Variants in PTPRG observed in about 807,000 individuals in gnomAD.
PTPRG encodes the protein protein tyrosine phosphatase receptor type G, also known as receptor-type tyrosine-protein phosphatase gamma.
PTPRG carries 102 observed loss-of-function variants against 165.3 expected under a neutral mutation model. That is an observed-to-expected ratio of 0.62 (90% CI 0.53 to 0.73). PTPRG has a LOEUF of 0.73. Among genes scored for constraint, PTPRG ranks in the 30% least tolerant of loss-of-function variants. PTPRG has a pLI of 0.00. For missense variants in PTPRG, 1,866 were observed against 1,861.4 expected (o/e 1.00, Z -0.05); for synonymous variants, 675 against 669.5 (o/e 1.01, Z -0.13).
In PTPRG at chr3:62,219,823, A is replaced by G. The variant is rs1031312502; in HGVS notation, c.2288+840A>G. 2.0e-5 allele frequency among the ~76,000 whole-genome samples: 3 copies of G among 152,260 alleles called. No individual in the cohort carries two copies. Among genetic ancestry groups the G allele is most frequent in the Non-Finnish European group, 4.4e-5 (3 of 68,042 alleles). ...ATTTCTGAAGAAGTGAGTAAAACAG[A>G]TAAGAATCCTTACTGTCATGGAGCT... On this transcript the variant is annotated intron_variant, in intron 13 of 29. Transcript: ENST00000474889. This position sits in a 1 kb window ranked among gnomAD's most constrained non-coding sequence, Gnocchi z 4.5.
rs145992725 is a variant in PTPRG at position 62,036,983 on chromosome 3, G to GCGCACA, written c.519+33487_519+33488insGCACAC. Among the ~76,000 whole-genome samples, 229 of 150,562 alleles carry GCGCACA rather than the reference G, an allele frequency of 1.5e-3. No homozygotes were observed. The East Asian group carries it at 0.015, about 10-fold the overall frequency. On this transcript the variant is annotated intron_variant, in intron 4 of 29. Coordinates refer to ENST00000474889, the MANE Select transcript of PTPRG (RefSeq NM_002841.4). The stretch of plus-strand genomic sequence containing the variant: ...CAGTGCTGCACGTGCGCGCGCGCAC[G>GCGCACA]CACACACACACACACACACACACAC...
intron 1 of PTPRG, among the ~76,000 whole-genome samples, chr3:61,652,752 A>G (rs1035365314): frequency 1.3e-5 from 2 of 152,152 alleles, no homozygotes; most frequent in Non-Finnish European, 2.9e-5. Context: ...TAGGATGTGT[A>G]GTAGTATTCC....
At chr3:61,736,033 G>A (rs527595701) in intron 1 of PTPRG, among the ~76,000 whole-genome samples, 2 of 150,960 alleles carry the variant, frequency 1.3e-5, no homozygotes, top group African/African-American at 2.4e-5. Flanking sequence ...TCAGATTCCC[G>A]AGTAGCTGGG....
chr3:61,862,198 C>T (rs1001158799), intron 2 of PTPRG, among the ~76,000 whole-genome samples: 1 of 152,066 alleles, frequency 6.6e-6, no homozygotes, highest in African/African-American at 2.4e-5. Flanking sequence ...TTAAGAGATG[C>T]TAATGCCTAT....
intron 2 of PTPRG, among the ~76,000 whole-genome samples, chr3:61,785,213 C>G (rs1192190389): frequency 1.3e-5 from 2 of 152,094 alleles, no homozygotes; most frequent in Non-Finnish European, 2.9e-5. Context: ...TAGAATGATG[C>G]TCTTAGGGGG....
At chr3:62,133,642 G>C (rs1409481112) in intron 6 of PTPRG, among the ~76,000 whole-genome samples, 1 of 152,134 alleles carries the variant, frequency 6.6e-6, no homozygotes, top group Non-Finnish European at 1.5e-5. Flanking sequence ...AACCTACTCA[G>C]TGTAGAAAAA....
chr3:61,605,139 C>T (rs191076153), intron 1 of PTPRG, among the ~76,000 whole-genome samples: 28 of 152,306 alleles, frequency 1.8e-4, no homozygotes, highest in African/African-American at 6.3e-4. Context: ...TTTAGTCACG[C>T]GTCTGTTTAT....
chr3:61,844,414 A>T (rs375783086), intron 2 of PTPRG, among the ~76,000 whole-genome samples: 1 of 152,244 alleles, frequency 6.6e-6, no homozygotes, highest in Non-Finnish European at 1.5e-5. Context: ...TAGGATAAGT[A>T]AATCCCATTC....
chr3:61,605,571 TTG>T (rs1491275439), intron 1 of PTPRG, among the ~76,000 whole-genome samples: 3 of 149,936 alleles, frequency 2.0e-5, no homozygotes, highest in South Asian at 2.1e-4. Flanking sequence ...TTTTATTTTT[TTG>T]TTTTTTTTAT....
At chr3:61,651,365 CTTT>C (rs11372460) in intron 1 of PTPRG, among the ~76,000 whole-genome samples, 5 of 147,596 alleles carry the variant, frequency 3.4e-5, no homozygotes, top group African/African-American at 9.9e-5. Context: ...TGTTAATAAT[CTTT>C]TTTTTTTTTA....
intron 1 of PTPRG, among the ~76,000 whole-genome samples, chr3:61,601,443 C>G (rs971317608): frequency 6.6e-6 from 1 of 152,182 alleles, no homozygotes; most frequent in Non-Finnish European, 1.5e-5. Flanking sequence ...GTTTTATTAT[C>G]TAGAGGAAAA....
At chr3:61,672,802 GGAGA>G (rs565424619) in intron 1 of PTPRG, among the ~76,000 whole-genome samples, 2 of 138,838 alleles carry the variant, frequency 1.4e-5, no homozygotes, top group Non-Finnish European at 3.0e-5. Context: ...GGAGAGAGGG[GGAGA>G]GAGAGGGAGA....
At chr3:62,032,483 G>A (rs1391900973) in intron 4 of PTPRG, among the ~76,000 whole-genome samples, 1 of 152,142 alleles carries the variant, frequency 6.6e-6, no homozygotes, top group Non-Finnish European at 1.5e-5. Context: ...ACTCAGTAGA[G>A]CCTTTGTGGC....
chr3:61,725,012 C>T (rs146211661), intron 1 of PTPRG, among the ~76,000 whole-genome samples: 33 of 152,268 alleles, frequency 2.2e-4, no homozygotes, highest in Middle Eastern at 3.4e-3. Context: ...TTCTCTCTGG[C>T]CGATGCTTTG....
intron 1 of PTPRG, among the ~76,000 whole-genome samples, chr3:61,685,145 T>G (rs1167934922): frequency 2.0e-5 from 3 of 152,242 alleles, no homozygotes; most frequent in Admixed American, 1.3e-4. Context: ...AACGAGATAG[T>G]ACATTTAAAA....
At chr3:61,713,254 T>A (rs2031652285) in intron 1 of PTPRG, among the ~76,000 whole-genome samples, 1 of 151,408 alleles carries the variant, frequency 6.6e-6, no homozygotes, top group African/African-American at 2.4e-5. Context: ...TCCAGCTCCC[T>A]GGTTCAAGTG....
chr3:62,063,307 T>C lies in PTPRG; in HGVS notation c.520-14856T>C, dbSNP rs115064214. ...TTTTGAACTATGATCAAAGCTACAA[T>C]GGTGGCAGCCCACTGTTCTTTTTAC... On this transcript the variant is annotated intron_variant, in intron 4 of 29. Coordinates refer to ENST00000474889, the MANE Select transcript of PTPRG (RefSeq NM_002841.4). Among the ~76,000 whole-genome samples, 1,004 of 152,332 alleles carry C rather than the reference T, an allele frequency of 6.6e-3. 16 individuals carry two copies. The highest frequency in any genetic ancestry group is 0.023 in the African/African-American group (958 of 41,576).
chr3:61,856,765 T>C (rs1045187466), intron 2 of PTPRG, among the ~76,000 whole-genome samples: 57 of 152,320 alleles, frequency 3.7e-4, no homozygotes, highest in African/African-American at 1.3e-3. Context: ...AAATTACTCA[T>C]TATGCTGCTC....
At position 61,647,931 on chromosome 3, in the gene PTPRG, C is replaced by A. The variant is rs1702249437; in HGVS notation, c.85+85559C>A. ...CGAAGTGTCCTGATTGTGATTGCGG[C>A]CTGTGAGGCCCGTTATGGCTTGTCT... On this transcript the variant is annotated intron_variant, in intron 1 of 29. Coordinates refer to ENST00000474889, the MANE Select transcript of PTPRG (RefSeq NM_002841.4). Among the ~76,000 whole-genome samples, 3 of 152,196 alleles carry A rather than the reference C, an allele frequency of 2.0e-5. No homozygotes were observed. In the South Asian group the frequency reaches 6.2e-4, roughly 32 times the overall value.
Sources: gnomAD v4.1 joint callset for allele counts (sites outside exome capture counted in the v4.1 genomes callset) on GRCh38, gnomAD v4.1.1 for gene constraint, Gnocchi (gnomAD v3.1) non-coding constraint, MANE v1.5 for transcripts, NCBI Gene and HGNC (gene_info 2026-07-23, HGNC 2026-07-21) for gene names.